The following DNAH3 variants were observed in gnomAD, a reference collection of about 807,000 sequenced individuals.
The protein encoded by DNAH3 is axonemal beta dynein heavy chain 3.
In DNAH3, 332 loss-of-function variants were observed where a neutral mutation model predicts 432.5. The ratio of observed to expected loss-of-function variants is 0.77; its 90% CI spans 0.70 to 0.84. The LOEUF (loss-of-function observed/expected upper bound fraction) is 0.84, where lower values mean the gene tolerates loss of function less well. DNAH3 is among the 40% of genes least tolerant of loss of function. The pLI, the probability that DNAH3 is intolerant of heterozygous loss-of-function variation, is 0.00. For synonymous variants in DNAH3, 1,956 were observed against 1,900.2 expected (o/e 1.03, Z -0.76); for missense variants, 4,861 against 5,114.0 (o/e 0.95, Z 1.51).
At position 21,022,714 on chromosome 16, in the gene DNAH3, T is replaced by A. The variant is rs1176045702; in HGVS notation, c.5647-614A>T. ...TGCTTTTTTAAACCTTTGTTATATT[T>A]TTTTTAAAAAAGATTTATTTATTTA... On this transcript the variant is annotated intron_variant, in intron 39 of 61. Coordinates refer to ENST00000261383, the Ensembl canonical transcript of DNAH3. Among the ~76,000 whole-genome samples the A allele has an allele frequency of 5.9e-5, 9 of 152,044 alleles. No homozygotes were observed. In the East Asian group the frequency reaches 1.7e-3, roughly 29 times the overall value.
At chr16:20,982,155 G>A (rs1400856373) in intron 49 of DNAH3, among the ~76,000 whole-genome samples, 25 of 151,980 alleles carry the variant, frequency 1.6e-4, no homozygotes, top group African/African-American at 3.4e-4. Flanking sequence ...AGGCCAAGGC[G>A]GGCAGATTAC....
At chr16:20,995,120 A>AT (rs2086709124) in intron 44 of DNAH3, among the ~76,000 whole-genome samples, 1 of 151,800 alleles carries the variant, frequency 6.6e-6, no homozygotes, top group African/African-American at 2.4e-5. Flanking sequence ...TTGTTGTTGT[A>AT]TTTTTTGTAG....
At chr16:20,968,146 G>A (rs2085147749) in intron 52 of DNAH3, among the ~76,000 whole-genome samples, 1 of 152,182 alleles carries the variant, frequency 6.6e-6, no homozygotes, top group African/African-American at 2.4e-5. Flanking sequence ...ACGGCTCACT[G>A]CAGCCTCAAC....
chr16:21,150,418 A>G (rs1301483042), intron 1 of DNAH3: 2 of 422,990 alleles, frequency 4.7e-6, no homozygotes, highest in Non-Finnish European at 9.2e-6. Context: ...TGAAATTCAC[A>G]CTTCCTTATA....
At chr16:20,977,744 C>T (rs1443387555) in intron 50 of DNAH3, among the ~76,000 whole-genome samples, 1 of 152,216 alleles carries the variant, frequency 6.6e-6, no homozygotes, top group African/African-American at 2.4e-5. Flanking sequence ...GGTAACGATA[C>T]TTTCTTCACA....
At chr16:21,052,835 G>T (rs1286308879) in intron 28 of DNAH3, among the ~76,000 whole-genome samples, 2 of 152,172 alleles carry the variant, frequency 1.3e-5, no homozygotes, top group Admixed American at 6.5e-5. Flanking sequence ...TATCCTAGGA[G>T]AATGCAATCA....
At chr16:20,987,988 T>C (rs948303401) in exon 45 of DNAH3, 1 of 1,614,114 alleles carries the variant, frequency 6.2e-7, no homozygotes, top group East Asian at 2.2e-5. Flanking sequence ...CAGTCAACAA[T>C]CGAACTGAAA....
intron 29 of DNAH3, 71 bp downstream of exon 29, chr16:21,051,598 CT>C: frequency 6.7e-7 from 1 of 1,502,920 alleles, no homozygotes; most frequent in Non-Finnish European, 9.2e-7. Flanking sequence ...ACATCCCTAA[CT>C]TTCCTCCCCA....
At chr16:21,107,495 C>T (rs1463069181) in intron 14 of DNAH3, among the ~76,000 whole-genome samples, 2 of 152,054 alleles carry the variant, frequency 1.3e-5, no homozygotes, top group African/African-American at 2.4e-5. Flanking sequence ...CTGCCTTGGC[C>T]TCCTAAAGTG....
intron 42 of DNAH3, among the ~76,000 whole-genome samples, chr16:21,002,775 C>T (rs2087090153): frequency 6.6e-6 from 1 of 152,040 alleles, no homozygotes; most frequent in Admixed American, 6.6e-5. Flanking sequence ...CCTGGTATTA[C>T]TGATAACGAC....
chr16:21,010,791 A>G (rs78543395), intron 41 of DNAH3, among the ~76,000 whole-genome samples: 13,471 of 152,068 alleles, frequency 0.089, 848 homozygotes, highest in South Asian at 0.2. Context: ...TATGTTGCCC[A>G]GGCTAGTCTC....
At chr16:20,959,617 A>G (rs1399234531) in intron 53 of DNAH3, among the ~76,000 whole-genome samples, 3 of 94,896 alleles carry the variant, frequency 3.2e-5, no homozygotes, top group African/African-American at 1.1e-4. Flanking sequence ...TTAAACACAC[A>G]CACACACACA....
intron 16 of DNAH3, 144 bp from the exon 17 acceptor site, chr16:21,098,913 CTT>C: frequency 2.6e-6 from 2 of 782,196 alleles, no homozygotes; most frequent in Non-Finnish European, 4.0e-6. Flanking sequence ...CCAACTCCAT[CTT>C]TCTCTCTCTC....
At chr16:21,098,415 C>T (rs551773765) in intron 17 of DNAH3, among the ~76,000 whole-genome samples, 8 of 135,476 alleles carry the variant, frequency 5.9e-5, no homozygotes, top group Non-Finnish European at 7.6e-5. Context: ...CTCCAGCCTG[C>T]GCAACAGAGT....
intron 19 of DNAH3, among the ~76,000 whole-genome samples, chr16:21,084,878 T>G (rs888815465): frequency 6.6e-6 from 1 of 152,164 alleles, no homozygotes; most frequent in Non-Finnish European, 1.5e-5. Flanking sequence ...CCAAATGCCA[T>G]CGACAAGGAC....
chr16:20,969,964 C>T (rs2085260267), exon 52 of DNAH3: 3 of 1,614,096 alleles, frequency 1.9e-6, no homozygotes, highest in African/African-American at 2.7e-5. Context: ...CAGGCATTGC[C>T]TCAGCTAGGT....
At chr16:21,081,535 A>C (rs556958979) in intron 20 of DNAH3, 101 bp downstream of exon 20, 2 of 899,732 alleles carry the variant, frequency 2.2e-6, no homozygotes, top group Non-Finnish European at 3.4e-6. Context: ...CGCCACAAGG[A>C]AAAAAAAACA....
exon 3 of DNAH3, chr16:21,145,326 A>G (rs759424477): frequency 1.2e-5 from 20 of 1,614,048 alleles, no homozygotes; most frequent in Non-Finnish European, 1.7e-5. Context: ...CACGGTGGTG[A>G]TGCTGTTCTT....
intron 9 of DNAH3, among the ~76,000 whole-genome samples, chr16:21,123,344 T>C (rs942522327): frequency 6.6e-6 from 1 of 151,736 alleles, no homozygotes; most frequent in Non-Finnish European, 1.5e-5. Flanking sequence ...TCTAGATCCA[T>C]TTAAAGATGA....
Sources: gnomAD v4.1 joint callset for allele counts (sites outside exome capture counted in the v4.1 genomes callset) on GRCh38, gnomAD v4.1.1 for gene constraint, MANE v1.5 for transcripts, NCBI Gene and HGNC (gene_info 2026-07-23, HGNC 2026-07-21) for gene names.